The following BCHE variants were observed in gnomAD, a reference collection of about 807,000 sequenced individuals.
BCHE encodes the protein cholinesterase.
BCHE carries 48 observed loss-of-function variants against 51.3 expected under a neutral mutation model. The observed-to-expected ratio is 0.94, with a 90% CI of 0.74 to 1.19. The LOEUF (loss-of-function observed/expected upper bound fraction) is 1.19, where lower values mean the gene tolerates loss of function less well. Ranked by LOEUF, BCHE falls within the 50% of genes most tolerant of loss-of-function variation. The pLI is 0.00. For missense variants in BCHE, 847 were observed against 708.2 expected (o/e 1.20, Z -2.23); for synonymous variants, 251 against 238.0 (o/e 1.05, Z -0.50).
rs149446345 is a variant in BCHE at position 165,831,156 on chromosome 3, A to C, written c.-8-115T>G. 442 of 967,468 alleles carry C rather than the reference A, an allele frequency of 4.6e-4. No individual in the cohort carries two copies. The African/African-American group carries it at 6.6e-3, about 14-fold the overall frequency. 59.9% of individuals were successfully genotyped at this position (967,468 alleles called of 1,614,324 possible). Reference sequence around the variant, plus strand: ...TAGTAATTCTACAAATTATGAAAACAAATAAACCTGCTTCTGTAAAGGCCT... The same window carrying C: ...TAGTAATTCTACAAATTATGAAAACCAATAAACCTGCTTCTGTAAAGGCCT... On this transcript the variant is annotated intron_variant, in intron 1 of 3. Coordinates refer to ENST00000264381, the MANE Select transcript of BCHE (RefSeq NM_000055.4).
Position 165,829,816 on chromosome 3 carries a change from A to AT in BCHE, c.1217dup (p.Asp406GlufsTer2), listed in dbSNP as rs768148788. 98 of 1,613,764 alleles carry AT rather than the reference A, an allele frequency of 6.1e-5. No homozygotes were observed. The highest frequency in any genetic ancestry group is 8.0e-5 in the Non-Finnish European group (94 of 1,179,898). ...CACGGTAGTTTTCAGGTCTCTGATC[A>AT]TCTACCCAGTCTGTGTAATGAAAAA... On this transcript the variant is annotated frameshift_variant, in exon 2 of 4. Transcript: ENST00000264381. LOFTEE classifies it high-confidence loss of function.
chr3:165,828,720 A>AATG (rs1257073496), intron 2 of BCHE, among the ~76,000 whole-genome samples: 1 of 151,804 alleles, frequency 6.6e-6, no homozygotes, highest in African/African-American at 2.4e-5. Context: ...TTGGTTTACA[A>AATG]ATGTAGTGGG....
In BCHE at chr3:165,829,582, G is replaced by T; in HGVS notation, c.1452C>A (p.Tyr484Ter). 1 of 1,613,746 alleles carries T rather than the reference G, an allele frequency of 6.2e-7. No individual in the cohort carries two copies. Among genetic ancestry groups the T allele is most frequent in the Non-Finnish European group, 8.5e-7 (1 of 1,179,840 alleles). ...FGLPLERRDN[Y>*]TKAEEILSRS... is the part of the protein sequence containing the mutation. ...TACTCAAAATTTCCTCGGCTTTTGT[G>T]TAATTATCTCTTCTTTCCAGAGGTA... The change falls in exon 2 of 4, where the codon TAC (tyrosine) becomes TAA (stop). Residue 484 changes from tyrosine to a stop codon, truncating the protein, a stop_gained. Coordinates refer to ENST00000264381, the MANE Select transcript of BCHE (RefSeq NM_000055.4). LOFTEE classifies it high-confidence loss of function.
intron 2 of BCHE, among the ~76,000 whole-genome samples, chr3:165,792,141 T>G (rs1008458675): frequency 6.6e-6 from 1 of 152,068 alleles, no homozygotes; most frequent in African/African-American, 2.4e-5. Context: ...ATGCATTTTT[T>G]TATTGGAATG....
At chr3:165,807,533 T>C (rs1370277154) in intron 2 of BCHE, among the ~76,000 whole-genome samples, 1 of 151,156 alleles carries the variant, frequency 6.6e-6, no homozygotes, top group Admixed American at 6.6e-5. Flanking sequence ...TTTATTTATT[T>C]ATTTATTTAT....
rs1018109818 is a variant in BCHE, at chr3:165,822,048, T to C, written c.1517+7469A>G. Among the ~76,000 whole-genome samples the C allele has an allele frequency of 5.3e-5, 8 of 152,106 alleles. No individual in the cohort carries two copies. In the East Asian group the frequency reaches 1.5e-3, roughly 29 times the overall value. ...TATGAGAATAGCAGCATGTGTGCTG[T>C]GATGTTACTTCCAAATTACTTTGTT... On this transcript the variant is annotated intron_variant, in intron 2 of 3. Transcript: ENST00000264381.
intron 2 of BCHE, among the ~76,000 whole-genome samples, chr3:165,820,454 C>T (rs2108228137): frequency 6.6e-6 from 1 of 151,876 alleles, no homozygotes; most frequent in African/African-American, 2.4e-5. Context: ...TTCTGAGTAA[C>T]TCCTAAATTA....
chr3:165,808,271 T>A (rs1020907032), intron 2 of BCHE, among the ~76,000 whole-genome samples: 1 of 152,022 alleles, frequency 6.6e-6, no homozygotes, highest in African/African-American at 2.4e-5. Context: ...AGGCGCGATA[T>A]TGCTTGTTGT....
intron 2 of BCHE, among the ~76,000 whole-genome samples, chr3:165,802,724 T>C (rs1428667305): frequency 6.6e-6 from 1 of 152,018 alleles, no homozygotes; most frequent in African/African-American, 2.4e-5. Flanking sequence ...TAAATGATTT[T>C]TTGTTTTGTT....
At position 165,773,175 on chromosome 3, in the gene BCHE, G is replaced by A. The variant is rs1712321045; in HGVS notation, c.*207C>T. 4 of 480,402 alleles carry A rather than the reference G, an allele frequency of 8.3e-6. No individual in the cohort carries two copies. The highest frequency in any genetic ancestry group is 1.5e-5 in the Non-Finnish European group (4 of 271,614). 29.8% of individuals were successfully genotyped at this position (480,402 alleles called of 1,614,324 possible). On this transcript the variant is annotated 3_prime_UTR_variant, in exon 4 of 4. Coordinates refer to ENST00000264381, the MANE Select transcript of BCHE (RefSeq NM_000055.4). ...ATAATTAACTGTAGAACTTTATATT[G>A]TGAAATTTAATTAAACACGTTCTAG...
At chr3:165,825,678 A>G (rs577863679) in intron 2 of BCHE, among the ~76,000 whole-genome samples, 2 of 152,058 alleles carry the variant, frequency 1.3e-5, no homozygotes, top group South Asian at 4.1e-4. Flanking sequence ...CATCAGGTAT[A>G]TCTCCTAATG....
chr3:165,780,109 A>C (rs1712632785), intron 3 of BCHE, among the ~76,000 whole-genome samples: 1 of 152,174 alleles, frequency 6.6e-6, no homozygotes, highest in Non-Finnish European at 1.5e-5. Context: ...ATAACATCAT[A>C]CATCGACAAC....
chr3:165,836,911 G>GA lies in BCHE; in HGVS notation c.-9+402dup, dbSNP rs993667815. ...CTACTAACTTTATCCCATTTAAAAA[G>GA]AAAAAAAAAGGAAGACTAATCAAAG... On this transcript the variant is annotated intron_variant, in intron 1 of 3. Coordinates refer to ENST00000264381, the MANE Select transcript of BCHE (RefSeq NM_000055.4). Among the ~76,000 whole-genome samples the GA allele has an allele frequency of 2.6e-4, 38 of 148,760 alleles. No homozygotes were observed. The East Asian group carries it at 4.5e-3, about 18-fold the overall frequency.
chr3:165,793,831 G>A (rs1713263182), intron 2 of BCHE, among the ~76,000 whole-genome samples: 1 of 151,972 alleles, frequency 6.6e-6, no homozygotes, highest in Admixed American at 6.6e-5. Context: ...GGATCACCTG[G>A]GATAAGGAGT....
At chr3:165,816,974 G>A (rs140268538) in intron 2 of BCHE, among the ~76,000 whole-genome samples, 285 of 151,954 alleles carry the variant, frequency 1.9e-3, no homozygotes, top group African/African-American at 6.7e-3. Flanking sequence ...ATTTAAATAT[G>A]AATTAAACAA....
intron 2 of BCHE, among the ~76,000 whole-genome samples, chr3:165,800,498 A>T (rs1030034987): frequency 6.6e-6 from 1 of 152,072 alleles, no homozygotes; most frequent in African/African-American, 2.4e-5. Context: ...AATTTTACCC[A>T]GGGTTTCTCT....
intron 2 of BCHE, among the ~76,000 whole-genome samples, chr3:165,800,792 G>A (rs933094064): frequency 1.3e-5 from 2 of 152,072 alleles, no homozygotes; most frequent in Non-Finnish European, 2.9e-5. Context: ...CCTGACATGT[G>A]CCAGGAATGT....
At chr3:165,828,939 C>G (rs1166384718) in intron 2 of BCHE, among the ~76,000 whole-genome samples, 3 of 151,962 alleles carry the variant, frequency 2.0e-5, no homozygotes, top group Middle Eastern at 3.2e-3. Context: ...CCTCATGGCC[C>G]CAGTCAAACA....
intron 2 of BCHE, among the ~76,000 whole-genome samples, chr3:165,803,070 G>A (rs1713729753): frequency 6.6e-6 from 1 of 152,232 alleles, no homozygotes; most frequent in Admixed American, 6.5e-5. Flanking sequence ...AAGAGTACAG[G>A]AAAAGAGAAG....
Sources: gnomAD v4.1 joint callset for allele counts (sites outside exome capture counted in the v4.1 genomes callset) on GRCh38, gnomAD v4.1.1 for gene constraint, MANE v1.5 for transcripts, NCBI Gene and HGNC (gene_info 2026-07-23, HGNC 2026-07-21) for gene names.